The following SUPT5H variants were observed in gnomAD, a reference collection of about 807,000 sequenced individuals.
SUPT5H encodes transcription elongation factor SPT5.
In SUPT5H, 24 loss-of-function variants were observed where a neutral mutation model predicts 142.5. The ratio of observed to expected loss-of-function variants is 0.17; its 90% CI spans 0.12 to 0.24. The LOEUF (loss-of-function observed/expected upper bound fraction) is 0.24, where lower values mean the gene tolerates loss of function less well. Among genes scored for constraint, SUPT5H ranks in the 10% least tolerant of loss-of-function variants. The probability of loss-of-function intolerance (pLI) is 1.00; values close to 1 mark genes in which losing one functional copy is unlikely to be tolerated. For synonymous variants in SUPT5H, 546 were observed against 553.0 expected (o/e 0.99, Z 0.18); for missense variants, 893 against 1,471.8 (o/e 0.61, Z 6.43).
rs2079132867 is a variant in SUPT5H at position 39,459,422 on chromosome 19, G to T, written c.525-137G>T. 3 of 1,351,852 alleles carry T rather than the reference G, an allele frequency of 2.2e-6. No individual in the cohort carries two copies. The East Asian group carries it at 6.9e-5, about 31-fold the overall frequency. 83.7% of individuals were successfully genotyped at this position (1,351,852 alleles called of 1,614,324 possible). A position where few individuals can be genotyped will look rare whatever the true frequency, so the allele number is the denominator to read the frequency against. On this transcript the variant is annotated intron_variant, in intron 8 of 29. Coordinates refer to ENST00000432763, the MANE Select transcript of SUPT5H (RefSeq NM_001111020.3). ...ACTTTCTCTTTCCTCTTGCTCCTGG[G>T]TAGAAGCGTGGGGAAGTCAGTGAGT...
chr19:39,465,136 C>T, intron 11 of SUPT5H, 87 bp downstream of exon 11: 22 of 1,519,622 alleles, frequency 1.4e-5, no homozygotes, highest in Non-Finnish European at 2.0e-5. Flanking sequence ...CCTCTTTGTG[C>T]TGCAGAGAAT....
intron 10 of SUPT5H, among the ~76,000 whole-genome samples, chr19:39,462,323 G>A (rs544197011): frequency 3.3e-5 from 5 of 152,006 alleles, no homozygotes; most frequent in Non-Finnish European, 7.4e-5. Flanking sequence ...AAAATAAACC[G>A]ATACCCATTA....
intron 2 of SUPT5H, among the ~76,000 whole-genome samples, chr19:39,450,572 G>T (rs1489769621): frequency 6.6e-5 from 10 of 152,218 alleles, no homozygotes; most frequent in African/African-American, 2.4e-4. Flanking sequence ...AACGGGGAGA[G>T]GCAGCAGGCA....
Position 39,468,783 on chromosome 19 carries a change from T to C in SUPT5H, c.1065T>C (p.Asp355=). 1.9e-6 allele frequency: 3 copies of C among 1,614,158 alleles called. No individual in the cohort carries two copies. Among genetic ancestry groups the C allele is most frequent in the Non-Finnish European group, 2.5e-6 (3 of 1,180,022 alleles). The change falls in exon 14 of 30, where the codon GAT becomes GAC. Residue 355 remains aspartate (D), a synonymous_variant. Coordinates refer to ENST00000432763, the MANE Select transcript of SUPT5H (RefSeq NM_001111020.3). ...CCCTGGGGGGTGATGTTGCCTCTGA[T>C]GGTGACTTCCTCATCTTTGAGGGGA... is the stretch of plus-strand genomic sequence containing the variant. The part of the protein sequence containing the change: ...IRSLGGDVAS[D]GDFLIFEGNR...
chr19:39,476,214 G>A (rs1368623364), intron 29 of SUPT5H, 38 bp downstream of exon 29: 1 of 1,614,038 alleles, frequency 6.2e-7, no homozygotes, highest in South Asian at 1.1e-5. Flanking sequence ...TGGGGCCGTT[G>A]GGTGCTGACA....
chr19:39,459,652 G>C (rs1376387986), intron 9 of SUPT5H, 63 bp downstream of exon 9: 1 of 1,600,042 alleles, frequency 6.2e-7, no homozygotes, highest in Middle Eastern at 1.7e-4. Context: ...CTTTGTGGGG[G>C]AGAAGTGTCT....
In SUPT5H at chr19:39,470,241, C is replaced by T. The variant is rs1450937263; in HGVS notation, c.1497C>T (p.Phe499=). The change falls in exon 17 of 30, where the codon TTC becomes TTT. Residue 499 remains phenylalanine (F), a synonymous_variant. Transcript: ENST00000432763. The surrounding 1 kb of genome is among the most constrained non-coding windows in gnomAD (Gnocchi z 5.8). The stretch of plus-strand genomic sequence containing the variant: ...TCATTGTGCGGGTGGAGGAGAATTT[C>T]GTTATCCTGTTCTCTGACCTCACCA... ...TGLIVRVEEN[F]VILFSDLTMH... The T allele has an allele frequency of 9.4e-6, 15 of 1,592,218 alleles. No homozygotes were observed. The highest frequency in any genetic ancestry group is 1.3e-5 in the African/African-American group (1 of 74,558).
intron 13 of SUPT5H, chr19:39,468,320 T>C (rs1201425478): frequency 1.1e-5 from 2 of 185,622 alleles, no homozygotes; most frequent in African/African-American, 2.4e-5. Context: ...TGTGAGGTCA[T>C]GAGTGTGCAG....
Position 39,447,260 on chromosome 19 carries a change from T to G in SUPT5H, c.75+1295T>G, listed in dbSNP as rs566791495. On this transcript the variant is annotated intron_variant, in intron 2 of 29. Transcript: ENST00000432763. ...CCAAGTCATATAGGATCTTGAAGGC[T>G]GTGGTAAGGAATTTGGTCTTAACTG... Among the ~76,000 whole-genome samples, 3 of 152,272 alleles carry G rather than the reference T, an allele frequency of 2.0e-5. No homozygotes were observed. The East Asian group carries it at 5.8e-4, about 29-fold the overall frequency.
At chr19:39,450,905 TTAA>T (rs1416214115) in intron 2 of SUPT5H, among the ~76,000 whole-genome samples, 1 of 152,224 alleles carries the variant, frequency 6.6e-6, no homozygotes, top group East Asian at 1.9e-4. Flanking sequence ...TTGCTGGGTC[TTAA>T]TAACATTGTT....
chr19:39,456,696 G>A (rs1289397136), intron 3 of SUPT5H, among the ~76,000 whole-genome samples: 1 of 152,066 alleles, frequency 6.6e-6, no homozygotes, highest in African/African-American at 2.4e-5. Flanking sequence ...GGGATTACAG[G>A]CATGAGCCAC....
intron 3 of SUPT5H, among the ~76,000 whole-genome samples, chr19:39,454,933 G>A (rs561572709): frequency 6.6e-6 from 1 of 152,222 alleles, no homozygotes; most frequent in East Asian, 1.9e-4. Context: ...CCATATGTTG[G>A]TGGTGGAAGT....
At chr19:39,457,814 C>A in intron 4 of SUPT5H, 74 bp downstream of exon 4, 1 of 1,605,100 alleles carries the variant, frequency 6.2e-7, no homozygotes, top group South Asian at 1.1e-5. Flanking sequence ...CCCATTCCCC[C>A]GACCCCCGCA....
At chr19:39,457,581 T>C in intron 3 of SUPT5H, 94 bp from the exon 4 acceptor site, 1 of 1,549,194 alleles carries the variant, frequency 6.5e-7, no homozygotes, top group Middle Eastern at 1.8e-4. Flanking sequence ...GCGGTGGGGA[T>C]TTGTAGTGCA....
chr19:39,476,216 G>T (rs747094742), intron 29 of SUPT5H, 40 bp downstream of exon 29: 1 of 1,613,922 alleles, frequency 6.2e-7, no homozygotes, highest in African/African-American at 1.3e-5. Flanking sequence ...GGGCCGTTGG[G>T]TGCTGACATG....
intron 2 of SUPT5H, among the ~76,000 whole-genome samples, chr19:39,450,912 C>T (rs1296146181): frequency 6.6e-6 from 1 of 152,124 alleles, no homozygotes; most frequent in Non-Finnish European, 1.5e-5. Flanking sequence ...GTCTTAATAA[C>T]ATTGTTTTGC....
Position 39,445,920 on chromosome 19 carries a change from CGAG to C in SUPT5H, c.39_41del (p.Glu13del), listed in dbSNP as rs537319812. 515 of 1,613,652 alleles carry C rather than the reference CGAG, an allele frequency of 3.2e-4. 4 individuals are homozygous for C. The African/African-American group carries it at 6.1e-3, about 19-fold the overall frequency. On this transcript the variant is annotated inframe_deletion, in exon 2 of 30. Transcript: ENST00000432763. ...CGGACAGCGAGGACAGCAACTTTTC[CGAG>C]GAGGAGGACAGCGAGCGCAGCAGTG...
At position 39,466,387 on chromosome 19, in the gene SUPT5H, TC is replaced by T; in HGVS notation, c.877-90del. ...CTGGTTTCTTCCCCACCATCCTGCG[TC>T]CCTTCTCCTTCCTAGCATCTCCTGA... On this transcript the variant is annotated intron_variant, in intron 11 of 29. Coordinates refer to ENST00000432763, the MANE Select transcript of SUPT5H (RefSeq NM_001111020.3). The surrounding 1 kb of genome is among the most constrained non-coding windows in gnomAD (Gnocchi z 4.3). 1 of 1,198,288 alleles carries T rather than the reference TC, an allele frequency of 8.3e-7. No individual in the cohort carries two copies. Among genetic ancestry groups the T allele is most frequent in the South Asian group, 1.2e-5 (1 of 80,718 alleles). 74.2% of individuals were successfully genotyped at this position (1,198,288 alleles called of 1,614,324 possible). A position where few individuals can be genotyped will look rare whatever the true frequency, so the allele number is the denominator to read the frequency against.
chr19:39,457,770 A>C, intron 4 of SUPT5H, 30 bp downstream of exon 4: 1 of 1,614,034 alleles, frequency 6.2e-7, no homozygotes. Flanking sequence ...CCACAAGACT[A>C]CTGGGAAGAG....
Sources: allele counts gnomAD v4.1 joint callset (sites outside exome capture counted in the v4.1 genomes callset), GRCh38; gene constraint gnomAD v4.1.1; non-coding constraint Gnocchi (gnomAD v3.1); transcripts MANE v1.5; gene names NCBI Gene and HGNC (gene_info 2026-07-23, HGNC 2026-07-21).